Variants in SNF8 observed in about 807,000 individuals in gnomAD.
SNF8 encodes vacuolar-sorting protein SNF8.
A neutral mutation model predicts 36.8 loss-of-function variants in SNF8; 19 were observed. That is an observed-to-expected ratio of 0.52 (90% CI 0.36 to 0.76). The LOEUF (loss-of-function observed/expected upper bound fraction) is 0.76, where lower values mean the gene tolerates loss of function less well. Ranked by LOEUF, SNF8 falls within the 30% of genes least tolerant of loss-of-function variation. SNF8 has a pLI of 0.00. For synonymous variants in SNF8, 127 were observed against 127.4 expected, an observed-to-expected ratio of 1.00 and a Z score of 0.02; for missense variants, 268 against 322.9, an observed-to-expected ratio of 0.83 and a Z score of 1.30.
intron 3 of SNF8, 35 bp downstream of exon 3, chr17:48,940,889 A>G (rs779205779): frequency 1.2e-5 from 20 of 1,605,724 alleles, no homozygotes; most frequent in African/African-American, 6.7e-5. Flanking sequence ...CAGGTACTCT[A>G]TAAGAACGCT....
chr17:48,940,376 C>CA (rs2041001312), intron 3 of SNF8, among the ~76,000 whole-genome samples: 1 of 151,888 alleles, frequency 6.6e-6, no homozygotes, highest in African/African-American at 2.4e-5. Context: ...GGGAAAATGC[C>CA]ATAAAAAATT....
intron 3 of SNF8, among the ~76,000 whole-genome samples, chr17:48,938,235 G>A (rs1027703255): frequency 6.6e-6 from 1 of 152,070 alleles, no homozygotes; most frequent in Non-Finnish European, 1.5e-5. Flanking sequence ...AGTGGCTCAC[G>A]CCTGTAATCC....
chr17:48,936,346 T>C, intron 4 of SNF8, 104 bp from the exon 5 acceptor site: 1 of 806,566 alleles, frequency 1.2e-6, no homozygotes, highest in South Asian at 1.6e-5. Context: ...AATAACATTC[T>C]AGTTCCTAAT....
At chr17:48,943,284 A>G (rs1453096015) in intron 2 of SNF8, among the ~76,000 whole-genome samples, 1 of 150,766 alleles carries the variant, frequency 6.6e-6, no homozygotes, top group Admixed American at 6.6e-5. Flanking sequence ...AGCCTGGTCA[A>G]TATGGCGAAA....
At chr17:48,933,023 C>A in intron 6 of SNF8, 182 bp downstream of exon 6, 1 of 573,512 alleles carries the variant, frequency 1.7e-6, no homozygotes, top group Non-Finnish European at 3.0e-6. Context: ...CAGCCTGGCC[C>A]AGTGCTTTGC....
At position 48,941,031 on chromosome 17, in the gene SNF8, T is replaced by C. The variant is rs2041015397; in HGVS notation, c.137A>G (p.Asn46Ser). The change falls in exon 3 of 8, where the codon AAC becomes AGC. Residue 46 changes from asparagine (N) to serine (S), a missense_variant. By Grantham distance (46) the Asn-to-Ser change is conservative (BLOSUM62 1). Coordinates refer to ENST00000502492, the MANE Select transcript of SNF8 (RefSeq NM_007241.4). ...MSKQLDMFKT[N>S]LEEFASKHKQ... ...GTGTTTGCTGGCAAATTCCTCCAGG[T>C]TGGTCTTGAACATGTCCAACTGCTT... is the stretch of plus-strand genomic sequence containing the variant. 1 of 1,613,750 alleles carries C rather than the reference T, an allele frequency of 6.2e-7. No homozygotes were observed. The highest frequency in any genetic ancestry group is 8.5e-7 in the Non-Finnish European group (1 of 1,180,006).
rs1269184258 is a variant in SNF8, at chr17:48,930,521, T to G, written c.731A>C (p.Tyr244Ser). 2.5e-6 allele frequency: 4 copies of G among 1,611,590 alleles called. No homozygotes were observed. The Middle Eastern group carries it at 5.9e-4, about 238-fold the overall frequency. The change falls in exon 8 of 8, where the codon TAC (tyrosine) becomes TCC (serine). Residue 244 changes from tyrosine (Y) to serine (S), a missense_variant. Transcript: ENST00000502492. ...YWLPALFTDL[Y>S]SQEITAEEAR... ...CTCCTCAGCTGTAATCTCCTGGGAG[T>G]AGAGGTCAGTGAAGAGAGCTGGCAG...
rs564871534 is a variant in SNF8, at chr17:48,933,647, T to C, written c.423-301A>G. On this transcript the variant is annotated intron_variant, in intron 5 of 7. Coordinates refer to ENST00000502492, the MANE Select transcript of SNF8 (RefSeq NM_007241.4). ...TCCTTGGGAGGCTGAGGCAGGAGGA[T>C]CACTTGAGCCCAGGAGTTCAAGGCT... 2.9e-5 allele frequency: 9 copies of C among 305,880 alleles called. No homozygotes were observed. In the South Asian group the frequency reaches 3.5e-4, roughly 12 times the overall value. 18.9% of individuals were successfully genotyped at this position (305,880 alleles called of 1,614,324 possible). A position where few individuals can be genotyped will look rare whatever the true frequency, so the allele number is the denominator to read the frequency against.
chr17:48,936,297 G>A lies in SNF8; in HGVS notation c.350-55C>T. On this transcript the variant is annotated intron_variant, in intron 4 of 7. Transcript: ENST00000502492. ...AAAAGAGATTACCCACTTTAAATAAGTTGACAGTCATTACAATTCCAGTGG... is the reference window on the plus strand; with the variant it reads ...AAAAGAGATTACCCACTTTAAATAAATTGACAGTCATTACAATTCCAGTGG... 4 of 1,399,648 alleles carry A rather than the reference G, an allele frequency of 2.9e-6. No homozygotes were observed. The South Asian group carries it at 3.5e-5, about 12-fold the overall frequency. The allele number at this position is 1,399,648 out of a possible 1,614,324, so 86.7% of individuals were successfully genotyped here.
intron 1 of SNF8, 117 bp downstream of exon 1, chr17:48,944,564 C>T: frequency 8.5e-7 from 1 of 1,170,846 alleles, no homozygotes; most frequent in Non-Finnish European, 1.3e-6. Flanking sequence ...GTCCCGGGGC[C>T]GAGAAGCCAG....
chr17:48,931,393 A>G (rs543841483), intron 7 of SNF8, among the ~76,000 whole-genome samples: 27 of 152,218 alleles, frequency 1.8e-4, no homozygotes, highest in Non-Finnish European at 3.5e-4. Context: ...TTCAGGAGAG[A>G]GAGTGTCAGT....
Position 48,937,982 on chromosome 17 carries a change from C to A in SNF8, c.245-858G>T, listed in dbSNP as rs1045962159. The stretch of plus-strand genomic sequence containing the variant: ...AAAATTTAAAAAATAAAACAAAAGT[C>A]ATTTCTATTTGGCTAATTCTGGCTC... On this transcript the variant is annotated intron_variant, in intron 3 of 7. Coordinates refer to ENST00000502492, the MANE Select transcript of SNF8 (RefSeq NM_007241.4). 1.3e-5 allele frequency among the ~76,000 whole-genome samples: 2 copies of A among 151,478 alleles called. 1 individual carries two copies. Among genetic ancestry groups the A allele is most frequent in the South Asian group, 4.2e-4 (2 of 4,792 alleles).
intron 3 of SNF8, among the ~76,000 whole-genome samples, chr17:48,940,587 A>G (rs1285397036): frequency 2.6e-5 from 4 of 151,880 alleles, no homozygotes; most frequent in Non-Finnish European, 5.9e-5. Context: ...TCAGGATATC[A>G]AGACCATCCT....
chr17:48,938,728 G>A (rs932370321), intron 3 of SNF8, among the ~76,000 whole-genome samples: 5 of 151,658 alleles, frequency 3.3e-5, no homozygotes, highest in Non-Finnish European at 5.9e-5. Flanking sequence ...AATTAGCCGG[G>A]CATGGTGGCA....
intron 5 of SNF8, 142 bp from the exon 6 acceptor site, chr17:48,933,488 G>C (rs916883356): frequency 3.2e-6 from 3 of 927,528 alleles, no homozygotes; most frequent in Non-Finnish European, 4.9e-6. Context: ...ACCCATAATC[G>C]CAACACTTTT....
At chr17:48,938,303 C>T (rs8075893) in intron 3 of SNF8, among the ~76,000 whole-genome samples, 20,156 of 150,274 alleles carry the variant, frequency 0.13, 1,418 homozygotes, top group African/African-American at 0.15. Flanking sequence ...TCGAGAACAG[C>T]CTGACCAACA....
At position 48,936,187 on chromosome 17, in the gene SNF8, G is replaced by A. The variant is rs769649861; in HGVS notation, c.405C>T (p.Phe135=). The A allele has an allele frequency of 3.1e-5, 50 of 1,613,712 alleles. No individual in the cohort carries two copies. The highest frequency in any genetic ancestry group is 8.0e-5 in the African/African-American group (6 of 74,894). The stretch of plus-strand genomic sequence containing the variant: ...AGACCTACTGACTGACATCCTGGGC[G>A]AACTTGCCCCTTCCCTTCAACACCT... The part of the protein sequence containing the change: ...HQQVLKGRGK[F]AQDVSQDDLI... Residue 135 remains phenylalanine, a synonymous_variant, in exon 5 of 8, where the codon TTC becomes TTT. Transcript: ENST00000502492.
At chr17:48,938,743 C>A (rs1220157871) in intron 3 of SNF8, among the ~76,000 whole-genome samples, 4 of 150,864 alleles carry the variant, frequency 2.7e-5, no homozygotes, top group Non-Finnish European at 4.4e-5. Flanking sequence ...GTGGCACATG[C>A]CTATAGTCCC....
In SNF8 at chr17:48,944,832, G is replaced by C; in HGVS notation, c.-98C>G. ...TCCCCAAGGCGGAAGCCCGAGCCGC[G>C]CGTCATCTGCACGCGCCGGAAGCCA... On this transcript the variant is annotated 5_prime_UTR_variant, in exon 1 of 8. Coordinates refer to ENST00000502492, the MANE Select transcript of SNF8 (RefSeq NM_007241.4). 1 of 1,396,394 alleles carries C rather than the reference G, an allele frequency of 7.2e-7. No individual in the cohort carries two copies. 86.5% of individuals were successfully genotyped at this position (1,396,394 alleles called of 1,614,324 possible). A position where few individuals can be genotyped will look rare whatever the true frequency, so the allele number is the denominator to read the frequency against.
Sources: gnomAD v4.1 joint callset for allele counts (sites outside exome capture counted in the v4.1 genomes callset) on GRCh38, gnomAD v4.1.1 for gene constraint, MANE v1.5 for transcripts, NCBI Gene and HGNC (gene_info 2026-07-23, HGNC 2026-07-21) for gene names.